The following MEGF10 variants were observed in gnomAD, a reference collection of about 807,000 sequenced individuals.
The protein encoded by MEGF10 is multiple EGF like domains 10.
MEGF10 carries 86 observed loss-of-function variants against 147.5 expected under a neutral mutation model. The observed-to-expected ratio is 0.58, with a 90% confidence interval of 0.49 to 0.70. The LOEUF is 0.70. MEGF10 is among the 30% of genes least tolerant of loss of function. MEGF10 has a pLI of 0.00. For synonymous variants in MEGF10, 478 were observed against 525.5 expected, an observed-to-expected ratio of 0.91 and a Z score of 1.24; for missense variants, 1,329 against 1,487.3, an observed-to-expected ratio of 0.89 and a Z score of 1.75.
At chr5:127,311,481 T>C (rs1368483698) in intron 1 of MEGF10, among the ~76,000 whole-genome samples, 2 of 152,240 alleles carry the variant, frequency 1.3e-5, no homozygotes, top group African/African-American at 4.8e-5. Context: ...CAGACAGTTT[T>C]GAGTTAGGTG....
chr5:127,314,916 A>T (rs534176970), intron 1 of MEGF10, among the ~76,000 whole-genome samples: 1 of 152,302 alleles, frequency 6.6e-6, no homozygotes, highest in South Asian at 2.1e-4. Flanking sequence ...GAATGTATTC[A>T]TTGTGATGGG....
At chr5:127,231,695 T>C in the MEGF10 span, among the ~76,000 whole-genome samples, 1 of 152,218 alleles carries the variant, frequency 6.6e-6, no homozygotes, top group African/African-American at 2.4e-5. Context: ...TCAAAAATAT[T>C]TGTTGATTGA....
intron 1 of MEGF10, among the ~76,000 whole-genome samples, chr5:127,322,949 T>C (rs1176266450): frequency 6.6e-6 from 1 of 152,104 alleles, no homozygotes; most frequent in Non-Finnish European, 1.5e-5. Flanking sequence ...TTACACAATG[T>C]GTGTATACAC....
chr5:127,323,007 CATATACATATATATGCAT>C (rs1210943443), intron 1 of MEGF10, among the ~76,000 whole-genome samples: 2 of 151,796 alleles, frequency 1.3e-5, no homozygotes, highest in Non-Finnish European at 2.9e-5. Context: ...ACACACATTG[CATATACATATATATGCAT>C]ATATATATGT....
At chr5:127,274,330 C>A in the MEGF10 span, among the ~76,000 whole-genome samples, 1 of 152,102 alleles carries the variant, frequency 6.6e-6, no homozygotes, top group East Asian at 1.9e-4. Flanking sequence ...ATGAAGAAAC[C>A]TGAAAATGGA....
At chr5:127,371,147 G>A (rs1483741028) in intron 5 of MEGF10, among the ~76,000 whole-genome samples, 1 of 148,884 alleles carries the variant, frequency 6.7e-6, no homozygotes, top group East Asian at 2.0e-4. Context: ...CAGAACACTT[G>A]GTGTGAAAGA....
intron 5 of MEGF10, among the ~76,000 whole-genome samples, chr5:127,381,301 T>G (rs565649086): frequency 2.5e-4 from 38 of 152,348 alleles, no homozygotes; most frequent in Admixed American, 7.2e-4. Context: ...CTTCTTAGAC[T>G]CCTCTTTAAT....
At chr5:127,439,023 A>G (rs1464002628) in intron 17 of MEGF10, among the ~76,000 whole-genome samples, 1 of 152,162 alleles carries the variant, frequency 6.6e-6, no homozygotes, top group Non-Finnish European at 1.5e-5. Flanking sequence ...CACAACAAAC[A>G]CAGAAGCTAG....
At chr5:127,448,873 A>T (rs1398043112) in intron 21 of MEGF10, among the ~76,000 whole-genome samples, 4 of 151,742 alleles carry the variant, frequency 2.6e-5, no homozygotes, top group Non-Finnish European at 4.4e-5. Flanking sequence ...ACAGAGTGAA[A>T]TGAAGATCTT....
chr5:127,410,442 G>A lies in MEGF10; in HGVS notation c.971G>A (p.Cys324Tyr), dbSNP rs1764510156. ...TATGGCGTTCTCTGTGCTGAGACCT[G>A]CCAGTGTGTCAACGGAGGGAAGTGT... ...GTYGVLCAET[C>Y]QCVNGGKCYH... Residue 324 changes from cysteine (C) to tyrosine (Y), a missense_variant, in exon 9 of 25, where the codon TGC becomes TAC. Cys to Tyr is a radical substitution (Grantham distance 194). Around this residue, in one of 3 missense-constraint regions of MEGF10, gnomAD observed 980 missense variants for 1,085.9 expected, o/e 0.90. Coordinates refer to ENST00000503335, the MANE Select transcript of MEGF10 (RefSeq NM_001256545.2). 3.7e-6 allele frequency: 6 copies of A among 1,614,248 alleles called. No individual in the cohort carries two copies. The highest frequency in any genetic ancestry group is 4.2e-6 in the Non-Finnish European group (5 of 1,180,044).
chr5:127,431,585 C>T (rs370450349), intron 13 of MEGF10, among the ~76,000 whole-genome samples: 2 of 152,138 alleles, frequency 1.3e-5, no homozygotes, highest in African/African-American at 2.4e-5. Context: ...TCAAAATCTT[C>T]GTTGGGATTT....
chr5:127,432,432 C>T (rs989788836), intron 13 of MEGF10, among the ~76,000 whole-genome samples: 2 of 152,170 alleles, frequency 1.3e-5, no homozygotes, highest in East Asian at 1.9e-4. Flanking sequence ...GGAGGGTCTG[C>T]GTGCTTGCTC....
chr5:127,395,054 A>C (rs988027352), intron 5 of MEGF10, among the ~76,000 whole-genome samples: 3 of 152,160 alleles, frequency 2.0e-5, no homozygotes, highest in Non-Finnish European at 4.4e-5. Flanking sequence ...GAAGTTACAA[A>C]ATTTTTATGA....
At chr5:127,352,976 C>T (rs1006139165) in intron 4 of MEGF10, among the ~76,000 whole-genome samples, 11 of 152,228 alleles carry the variant, frequency 7.2e-5, no homozygotes, top group Non-Finnish European at 1.0e-4. Context: ...ATCACGGATG[C>T]TCATTCTCTC....
At chr5:127,339,324 T>C (rs894779929) in intron 3 of MEGF10, 103 bp downstream of exon 3, 1 of 794,476 alleles carries the variant, frequency 1.3e-6, no homozygotes, top group African/African-American at 1.7e-5. Context: ...ATTCAGTGAA[T>C]AGGTATTGAG....
the MEGF10 span, among the ~76,000 whole-genome samples, chr5:127,247,393 A>AG: frequency 1.1e-4 from 4 of 36,230 alleles, 2 homozygotes; most frequent in African/African-American, 5.5e-4. Context: ...GAAGAAGAAG[A>AG]AGAAGAAGAA....
the MEGF10 span, among the ~76,000 whole-genome samples, chr5:127,260,397 G>T: frequency 5.3e-4 from 80 of 152,136 alleles, 1 homozygote; most frequent in African/African-American, 1.9e-3. Flanking sequence ...TTTTATATCT[G>T]GTTGGTTTCT....
the MEGF10 span, among the ~76,000 whole-genome samples, chr5:127,246,985 AATAT>A: frequency 5.4e-3 from 561 of 104,182 alleles, 19 homozygotes; most frequent in African/African-American, 0.023. Flanking sequence ...GTATAAAAAG[AATAT>A]ATATATATAT....
chr5:127,432,404 T>C (rs1765414859), intron 13 of MEGF10, among the ~76,000 whole-genome samples: 1 of 152,222 alleles, frequency 6.6e-6, no homozygotes, highest in Non-Finnish European at 1.5e-5. Flanking sequence ...TGGGTGGTTG[T>C]TAGTATTCTG....
Sources: gnomAD v4.1 joint callset for allele counts (sites outside exome capture counted in the v4.1 genomes callset) on GRCh38, gnomAD v4.1.1 for gene constraint, gnomAD v4.1.1 regional missense constraint, MANE v1.5 for transcripts, NCBI Gene and HGNC (gene_info 2026-07-23, HGNC 2026-07-21) for gene names.